Variants in SDR16C5 observed in about 807,000 individuals in gnomAD.
SDR16C5 encodes epidermal retinol dehydrogenase 2.
A neutral mutation model predicts 27.7 loss-of-function variants in SDR16C5; 20 were observed. The observed-to-expected ratio is 0.72, with a 90% CI of 0.51 to 1.05. The LOEUF (loss-of-function observed/expected upper bound fraction) is 1.05. Among genes scored for constraint, SDR16C5 ranks in the 50% least tolerant of loss-of-function variants. SDR16C5 has a pLI of 0.00. For missense variants in SDR16C5, 374 were observed against 366.3 expected, an observed-to-expected ratio of 1.02 and a Z score of -0.17; for synonymous variants, 139 against 132.3, an observed-to-expected ratio of 1.05 and a Z score of -0.35.
At chr8:56,312,780 T>A (rs1322890939) in intron 2 of SDR16C5, among the ~76,000 whole-genome samples, 1 of 24,778 alleles carries the variant, frequency 4.0e-5, no homozygotes, top group Non-Finnish European at 8.9e-5. Context: ...ACACCAAGTT[T>A]TTTTTTTTTT....
intron 2 of SDR16C5, among the ~76,000 whole-genome samples, chr8:56,313,013 T>G (rs1815089086): frequency 6.6e-6 from 1 of 152,126 alleles, no homozygotes; most frequent in Non-Finnish European, 1.5e-5. Context: ...CCTGACCTCA[T>G]GATCCACCCG....
At position 56,316,164 on chromosome 8, in the gene SDR16C5, G is replaced by A. The variant is rs4151643; in HGVS notation, c.184C>T (p.Arg62Trp). The change falls in exon 2 of 7, where the codon CGG becomes TGG. Residue 62 changes from arginine (R) to tryptophan (W), a missense_variant. Arg to Trp is a moderately radical substitution (Grantham distance 101, BLOSUM62 -3). Coordinates refer to ENST00000303749, the MANE Select transcript of SDR16C5 (RefSeq NM_138969.4). ...LGRLLALQFA[R>W]LGSVLVLWDI... is the part of the protein sequence containing the mutation. ...CAGAGAACAAGAACAGATCCCAGCC[G>A]GGCAAACTGCAAGGCTAAGAGCCTT... The A allele has an allele frequency of 9.4e-4, 1,510 of 1,613,886 alleles. 10 individuals carry two copies. The East Asian group carries it at 0.011, about 12-fold the overall frequency.
In SDR16C5 at chr8:56,301,478, CT is replaced by C. The variant is rs1207281995; in HGVS notation, c.*1del. 1 of 1,610,102 alleles carries C rather than the reference CT, an allele frequency of 6.2e-7. No homozygotes were observed. The highest frequency in any genetic ancestry group is 1.1e-5 in the South Asian group (1 of 90,986). On this transcript the variant is annotated 3_prime_UTR_variant, in exon 7 of 7. Coordinates refer to ENST00000303749, the MANE Select transcript of SDR16C5 (RefSeq NM_138969.4). The stretch of plus-strand genomic sequence containing the variant: ...AGATGACCTTAGCCATAGAGTTGGT[CT>C]TTAGAGCTTCTTCTTTTGGTCAACA...
intron 6 of SDR16C5, among the ~76,000 whole-genome samples, chr8:56,304,561 G>T (rs1814835845): frequency 6.6e-6 from 1 of 151,858 alleles, no homozygotes; most frequent in Admixed American, 6.6e-5. Flanking sequence ...TTTTGAGACG[G>T]AGTTTTTGCT....
At chr8:56,313,880 C>G (rs1295341699) in intron 2 of SDR16C5, among the ~76,000 whole-genome samples, 3 of 152,130 alleles carry the variant, frequency 2.0e-5, no homozygotes, top group Non-Finnish European at 2.9e-5. Flanking sequence ...AAAGCTTTCT[C>G]TTTGATTGCT....
Position 56,316,227 on chromosome 8 carries a change from C to G in SDR16C5, c.121G>C (p.Glu41Gln). The change falls in exon 2 of 7, where the codon GAA becomes CAA. Residue 41 changes from glutamate (E) to glutamine (Q), a missense_variant. Coordinates refer to ENST00000303749, the MANE Select transcript of SDR16C5 (RefSeq NM_138969.4). The stretch of plus-strand genomic sequence containing the variant: ...CCAGCACCTGTGATGAGGACTATTT[C>G]ACCAGCAACGTTCTTCCGTGGCTTT... The part of the protein sequence containing the change: ...LPKPRKNVAG[E>Q]IVLITGAGSG... 6.2e-7 allele frequency: 1 copy of G among 1,614,134 alleles called. No individual in the cohort carries two copies. The highest frequency in any genetic ancestry group is 1.3e-5 in the African/African-American group (1 of 75,044).
chr8:56,305,813 A>T, intron 5 of SDR16C5, 91 bp from the exon 6 acceptor site: 1 of 1,316,498 alleles, frequency 7.6e-7, no homozygotes, highest in South Asian at 1.5e-5. Context: ...AAAAGGTTTT[A>T]AGACGTTATC....
chr8:56,311,621 T>C lies in SDR16C5; in HGVS notation c.465+536A>G, dbSNP rs138214387. ...TTAGCGCTGGTAGCAGGTGGTAACC[T>C]GGGTTACCAGTGGAACCTCTAATTT... On this transcript the variant is annotated intron_variant, in intron 3 of 6. Coordinates refer to ENST00000303749, the MANE Select transcript of SDR16C5 (RefSeq NM_138969.4). 7.8e-3 allele frequency among the ~76,000 whole-genome samples: 1,190 copies of C among 152,214 alleles called. 14 individuals carry two copies. The highest frequency in any genetic ancestry group is 0.027 in the African/African-American group (1,131 of 41,532).
chr8:56,317,700 C>G (rs542053906), intron 1 of SDR16C5, among the ~76,000 whole-genome samples: 1 of 152,274 alleles, frequency 6.6e-6, no homozygotes, highest in South Asian at 2.1e-4. Flanking sequence ...TAGGAAATGT[C>G]GAGAGTCGAT....
chr8:56,311,624 G>C (rs577145018), intron 3 of SDR16C5, among the ~76,000 whole-genome samples: 44 of 152,202 alleles, frequency 2.9e-4, no homozygotes, highest in African/African-American at 1.1e-3. Flanking sequence ...GGTAACCTGG[G>C]TTACCAGTGG....
intron 6 of SDR16C5, among the ~76,000 whole-genome samples, chr8:56,303,461 C>A (rs750879727): frequency 1.3e-5 from 2 of 150,080 alleles, no homozygotes; most frequent in Non-Finnish European, 3.0e-5. Context: ...TTGTTTGTTT[C>A]TTTTCTGCCC....
In SDR16C5 at chr8:56,301,465, C is replaced by A. The variant is rs780066343; in HGVS notation, c.*15G>T. 1.3e-6 allele frequency: 2 copies of A among 1,577,360 alleles called. No individual in the cohort carries two copies. Among genetic ancestry groups the A allele is most frequent in the East Asian group, 4.5e-5 (2 of 44,688 alleles). ...AACACTGTGTATCAGATGACCTTAG[C>A]CATAGAGTTGGTCTTTAGAGCTTCT... On this transcript the variant is annotated 3_prime_UTR_variant, in exon 7 of 7. Transcript: ENST00000303749.
chr8:56,305,508 A>C, intron 6 of SDR16C5, 89 bp downstream of exon 6: 1 of 1,102,230 alleles, frequency 9.1e-7, no homozygotes, highest in Admixed American at 2.8e-5. Context: ...TTAATTTATC[A>C]GGTATTTTTA....
In SDR16C5 at chr8:56,301,397, T is replaced by C. The variant is rs1051945809; in HGVS notation, c.*83A>G. On this transcript the variant is annotated 3_prime_UTR_variant, in exon 7 of 7. Transcript: ENST00000303749. ...CTTGTGGTCTCCAGATATATTCCACTGTCAGACAAAAATACTTTTCTTCAT... is the reference window on the plus strand; with the variant it reads ...CTTGTGGTCTCCAGATATATTCCACCGTCAGACAAAAATACTTTTCTTCAT... 2 of 930,662 alleles carry C rather than the reference T, an allele frequency of 2.1e-6. No individual in the cohort carries two copies. Among genetic ancestry groups the C allele is most frequent in the East Asian group, 4.8e-5 (2 of 41,516 alleles). The allele number at this position is 930,662 out of a possible 1,614,324, so 57.7% of individuals were successfully genotyped here.
intron 6 of SDR16C5, among the ~76,000 whole-genome samples, chr8:56,305,124 A>G (rs901053336): frequency 7.2e-5 from 11 of 152,124 alleles, no homozygotes; most frequent in Non-Finnish European, 4.4e-5. Context: ...AAATTCTTTA[A>G]CCATCCTAAG....
At chr8:56,305,415 G>A (rs1008265181) in intron 6 of SDR16C5, among the ~76,000 whole-genome samples, 182 bp downstream of exon 6, 4 of 152,148 alleles carry the variant, frequency 2.6e-5, no homozygotes, top group Admixed American at 2.0e-4. Flanking sequence ...GGCGGGCACT[G>A]CAACTGTGTA....
intron 1 of SDR16C5, among the ~76,000 whole-genome samples, chr8:56,316,682 C>T (rs1242193449): frequency 1.3e-5 from 2 of 152,210 alleles, no homozygotes; most frequent in East Asian, 3.8e-4. Flanking sequence ...TTCATTATTG[C>T]TCATAGTTAG....
chr8:56,302,901 G>T (rs1182138481), intron 6 of SDR16C5, among the ~76,000 whole-genome samples: 1 of 152,108 alleles, frequency 6.6e-6, no homozygotes, highest in Non-Finnish European at 1.5e-5. Context: ...AGGATGGCTT[G>T]AGCCTGGGAG....
rs145284627 is a variant in SDR16C5 at position 56,301,809 on chromosome 8, T to C, written c.837-236A>G. On this transcript the variant is annotated intron_variant, in intron 6 of 6. Coordinates refer to ENST00000303749, the MANE Select transcript of SDR16C5 (RefSeq NM_138969.4). ...CTTAAGTTATTCAATTCACTTCTCA[T>C]TTCGGTTTCCAAAGCATCACTCCAC... Among the ~76,000 whole-genome samples, 220 of 152,274 alleles carry C rather than the reference T, an allele frequency of 1.4e-3. 3 individuals carry two copies. The highest frequency in any genetic ancestry group is 5.1e-3 in the African/African-American group (212 of 41,560).
Sources: gnomAD v4.1 joint callset for allele counts (sites outside exome capture counted in the v4.1 genomes callset) on GRCh38, gnomAD v4.1.1 for gene constraint, MANE v1.5 for transcripts, NCBI Gene and HGNC (gene_info 2026-07-23, HGNC 2026-07-21) for gene names.